NADSYN1: variants seen among roughly 807,000 people sequenced by gnomAD.
NADSYN1 encodes NAD synthetase 1, also known as glutamine-dependent NAD(+) synthetase.
In NADSYN1, 80 loss-of-function variants were observed where a neutral mutation model predicts 99.3. That is an observed-to-expected ratio of 0.81 (90% confidence interval 0.67 to 0.97). The LOEUF is 0.97. Among genes scored for constraint, NADSYN1 ranks in the 50% least tolerant of loss-of-function variants. The pLI is 0.00. For missense variants in NADSYN1, 859 were observed against 948.5 expected (o/e 0.91, Z 1.24); for synonymous variants, 385 against 372.1 (o/e 1.03, Z -0.40).
chr11:71,489,353 C>T (rs1949764347), intron 16 of NADSYN1, among the ~76,000 whole-genome samples: 1 of 152,148 alleles, frequency 6.6e-6, no homozygotes, highest in South Asian at 2.1e-4. Context: ...AATTTTCCCC[C>T]TATAACCGTG....
At chr11:71,487,341 A>G (rs920192788) in intron 16 of NADSYN1, among the ~76,000 whole-genome samples, 1 of 152,122 alleles carries the variant, frequency 6.6e-6, no homozygotes, top group African/African-American at 2.4e-5. Context: ...GAGGAGATTG[A>G]TGTTTGCTTT....
chr11:71,471,696 A>G (rs536888243), intron 5 of NADSYN1, among the ~76,000 whole-genome samples: 26 of 152,348 alleles, frequency 1.7e-4, no homozygotes, highest in African/African-American at 6.3e-4. Context: ...GGCAGCCTGC[A>G]GTTCTGTAGG....
intron 9 of NADSYN1, chr11:71,477,118 C>CA: frequency 8.8e-7 from 1 of 1,132,034 alleles, no homozygotes; most frequent in Non-Finnish European, 1.1e-6. Context: ...CCTGCTCAAG[C>CA]AACAGACCTG....
intron 18 of NADSYN1, among the ~76,000 whole-genome samples, chr11:71,493,090 A>C (rs547880309): frequency 5.0e-4 from 76 of 152,160 alleles, no homozygotes; most frequent in Non-Finnish European, 8.2e-4. Flanking sequence ...GGGTTCCACC[A>C]TGTTGGCCAG....
rs193051001 is a variant in NADSYN1, at chr11:71,480,265, G to A, written c.874-490G>A. ...CCCAGCTCAGCACAACCTCTGCCTC[G>A]TAGATTCAAGTGAGTCTCCGGTCTC... On this transcript the variant is annotated intron_variant, in intron 10 of 20. Coordinates refer to ENST00000319023, the MANE Select transcript of NADSYN1 (RefSeq NM_018161.5). The A allele has an allele frequency of 6.2e-5, 10 of 161,446 alleles. No individual in the cohort carries two copies. In the South Asian group the frequency reaches 9.9e-4, roughly 16 times the overall value. 10.0% of individuals were successfully genotyped at this position (161,446 alleles called of 1,614,324 possible). A position where few individuals can be genotyped will look rare whatever the true frequency, so the allele number is the denominator to read the frequency against.
At chr11:71,479,635 G>A (rs1255470168) in intron 10 of NADSYN1, 2 of 151,948 alleles carry the variant, frequency 1.3e-5, no homozygotes, top group Non-Finnish European at 2.9e-5. Context: ...CGTTTCATTG[G>A]GATGAAATCA....
chr11:71,463,603 G>A (rs1353692731), intron 4 of NADSYN1, 118 bp downstream of exon 4: 5 of 991,076 alleles, frequency 5.0e-6, no homozygotes, highest in Non-Finnish European at 7.6e-6. Flanking sequence ...GCTGCTTCTG[G>A]AAGTGCCCGG....
intron 5 of NADSYN1, among the ~76,000 whole-genome samples, chr11:71,467,182 G>T (rs906153123): frequency 1.3e-5 from 2 of 152,200 alleles, no homozygotes; most frequent in African/African-American, 4.8e-5. Flanking sequence ...TACCTGTGTA[G>T]TATAAGACTC....
chr11:71,482,080 C>A, intron 13 of NADSYN1, 55 bp downstream of exon 13: 1 of 1,516,882 alleles, frequency 6.6e-7, no homozygotes, highest in Non-Finnish European at 9.0e-7. Context: ...CTTGGGCTGC[C>A]TGAGTTAGGG....
In NADSYN1 at chr11:71,478,614, G is replaced by A. The variant is rs147615150; in HGVS notation, c.873+145G>A. The A allele has an allele frequency of 9.6e-4, 693 of 719,398 alleles. 2 individuals carry two copies. The African/African-American group carries it at 0.01, about 11-fold the overall frequency. 44.6% of individuals were successfully genotyped at this position (719,398 alleles called of 1,614,324 possible). On this transcript the variant is annotated intron_variant, in intron 10 of 20. Transcript: ENST00000319023. ...TTCCGGACTTCCCGAGCGTGGAAAG[G>A]GGCTGGTGCCGCAGACAGAACCTGC...
In NADSYN1 at chr11:71,493,607, G is replaced by A. The variant is rs566114271; in HGVS notation, c.1764+1704G>A. Among the ~76,000 whole-genome samples, 4 of 152,184 alleles carry A rather than the reference G, an allele frequency of 2.6e-5. No individual in the cohort carries two copies. In the South Asian group the frequency reaches 8.3e-4, roughly 32 times the overall value. ...AAAAAAAAATCATTTTTTTAATAGA[G>A]AAAAGCTTATAGAATAAGAAAAAAT... On this transcript the variant is annotated intron_variant, in intron 18 of 20. Coordinates refer to ENST00000319023, the MANE Select transcript of NADSYN1 (RefSeq NM_018161.5).
chr11:71,460,293 C>T (rs1474055226), intron 3 of NADSYN1: 1 of 152,308 alleles, frequency 6.6e-6, no homozygotes, highest in East Asian at 1.9e-4. Flanking sequence ...ACCACAAGGA[C>T]TTACTCTAGT....
At chr11:71,481,313 A>G (rs1462973735) in intron 11 of NADSYN1, 43 bp from the exon 12 acceptor site, 10 of 1,608,656 alleles carry the variant, frequency 6.2e-6, no homozygotes, top group Non-Finnish European at 1.7e-6. Flanking sequence ...TGCTGTGGGC[A>G]GGGGCCACCG....
chr11:71,463,416 C>T lies in NADSYN1; in HGVS notation c.264-16C>T. The T allele has an allele frequency of 6.2e-7, 1 of 1,612,120 alleles. No individual in the cohort carries two copies. The highest frequency in any genetic ancestry group is 8.5e-7 in the Non-Finnish European group (1 of 1,178,202). On this transcript the variant is annotated splice_polypyrimidine_tract_variant and intron_variant, in intron 3 of 20. Coordinates refer to ENST00000319023, the MANE Select transcript of NADSYN1 (RefSeq NM_018161.5). ...TAACCGGGCAGACACACATGTACCT[C>T]CCCTCTCTCCTGCAGGCCTGTAATG...
At chr11:71,458,647 T>G (rs186919140) in intron 3 of NADSYN1, 103 bp downstream of exon 3, 1 of 811,602 alleles carries the variant, frequency 1.2e-6, no homozygotes, top group Non-Finnish European at 2.1e-6. Context: ...AACATCCATG[T>G]GTCCAGGGAT....
In NADSYN1 at chr11:71,474,437, G is replaced by A. The variant is rs1197106268; in HGVS notation, c.709G>A (p.Gly237Arg). Reference protein sequence around the residue: ...YLLANQKGCDGDRLYYDGCAM... With the variant: ...YLLANQKGCDRDRLYYDGCAM... The stretch of plus-strand genomic sequence containing the variant: ...GCTGGCCAACCAGAAGGGTTGTGAC[G>A]GGGACCGCCTGTACTACGACGGCTG... Residue 237 changes from glycine (G) to arginine (R), a missense_variant, in exon 9 of 21, where the codon GGG becomes AGG. Gly to Arg is a moderately radical substitution (Grantham distance 125). Transcript: ENST00000319023. The A allele has an allele frequency of 4.3e-6, 7 of 1,614,144 alleles. No homozygotes were observed. Among genetic ancestry groups the A allele is most frequent in the Admixed American group, 3.3e-5 (2 of 60,034 alleles).
At chr11:71,490,755 G>T in intron 16 of NADSYN1, 90 bp from the exon 17 acceptor site, 1 of 1,541,880 alleles carries the variant, frequency 6.5e-7, no homozygotes. Context: ...TGGCTTCAGG[G>T]CCCCTGGAAG....
intron 16 of NADSYN1, among the ~76,000 whole-genome samples, chr11:71,487,830 C>CAAAAAAAAAAAAAAAAAAAAAAAAAAAAA: frequency 1.2e-5 from 1 of 80,098 alleles, no homozygotes; most frequent in Non-Finnish European, 2.4e-5. Flanking sequence ...GACTCCGTCT[C>CAAAAAAAAAAAAAAAAAAAAAAAAAAAAA]AAAAAAAAAA....
chr11:71,485,112 A>C (rs532566488), intron 15 of NADSYN1: 1 of 171,068 alleles, frequency 5.8e-6, no homozygotes, highest in African/African-American at 2.4e-5. Context: ...CGTGATGGGC[A>C]GAGGAAAAGA....
Sources: allele counts gnomAD v4.1 joint callset (sites outside exome capture counted in the v4.1 genomes callset), GRCh38; gene constraint gnomAD v4.1.1; transcripts MANE v1.5; gene names NCBI Gene and HGNC (gene_info 2026-07-23, HGNC 2026-07-21).